The following JAK1 variants were observed in gnomAD, a reference collection of about 807,000 sequenced individuals.
JAK1 encodes tyrosine-protein kinase JAK1.
A neutral mutation model predicts 136.6 loss-of-function variants in JAK1; 16 were observed. The observed-to-expected ratio is 0.12, with a 90% CI of 0.08 to 0.18. The LOEUF is 0.18. JAK1 is among the 10% of genes least tolerant of loss of function. The pLI is 1.00. For synonymous variants in JAK1, 492 were observed against 519.5 expected, an observed-to-expected ratio of 0.95 and a Z score of 0.72; for missense variants, 859 against 1,450.1, an observed-to-expected ratio of 0.59 and a Z score of 6.62.
chr1:64,995,071 T>C (rs1646692865), intron 2 of JAK1: 1 of 151,744 alleles, frequency 6.6e-6, no homozygotes, highest in African/African-American at 2.4e-5. Flanking sequence ...TGTTGATAAA[T>C]GTTCCATAAT....
At chr1:64,892,595 C>A (rs17390852) in intron 1 of JAK1, among the ~76,000 whole-genome samples, 1 of 152,254 alleles carries the variant, frequency 6.6e-6, no homozygotes, top group South Asian at 2.1e-4. Flanking sequence ...ACAATATGTG[C>A]TTTTTAATCA....
chr1:64,968,914 A>C (rs1442414212), upstream of JAK1, among the ~76,000 whole-genome samples: 3 of 143,808 alleles, frequency 2.1e-5, no homozygotes, highest in Admixed American at 1.4e-4. Context: ...CCTGGGCGAC[A>C]GAGCGAGACT....
rs761761432 is a variant in JAK1, at chr1:65,024,629, G to T, written c.-78+19851C>A. ...ACAGAACTGAAAGTTCTTGGAGGTA[G>T]TTGTGGCTTCAAGAATGGCCTGGTC... On this transcript the variant is annotated intron_variant, in intron 2 of 25. Coordinates refer to the JAK1 transcript ENST00000671954. 1.4e-3 allele frequency among the ~76,000 whole-genome samples: 181 copies of T among 131,604 alleles called. 2 individuals are homozygous for T. The highest frequency in any genetic ancestry group is 2.5e-3 in the Non-Finnish European group (162 of 64,764). 86.3% of individuals were successfully genotyped at this position (131,604 alleles called of 152,430 possible).
At chr1:65,020,885 C>T (rs1257186611) in intron 2 of JAK1, among the ~76,000 whole-genome samples, 7 of 152,148 alleles carry the variant, frequency 4.6e-5, no homozygotes, top group African/African-American at 1.7e-4. Context: ...CTTTCCCACC[C>T]TTTGGGGCAG....
intron 1 of JAK1, among the ~76,000 whole-genome samples, chr1:64,954,408 G>C (rs1646146025): frequency 6.6e-6 from 1 of 152,168 alleles, no homozygotes; most frequent in African/African-American, 2.4e-5. Flanking sequence ...CCCCACGTGG[G>C]ATGATGTGCT....
At position 64,844,043 on chromosome 1, in the gene JAK1, C is replaced by T. The variant is rs759778621; in HGVS notation, c.2403+21G>A. ...CCTGAAAGCCCTCACTTGCCTCACG[C>T]CCCGGGAAACACCTGCTCACCTCAA... On this transcript the variant is annotated intron_variant, in intron 17 of 24. Coordinates refer to ENST00000342505, the MANE Select transcript of JAK1 (RefSeq NM_002227.4). This position sits in a 1 kb window ranked among gnomAD's most constrained non-coding sequence, Gnocchi z 5.7. 32 of 1,612,820 alleles carry T rather than the reference C, an allele frequency of 2.0e-5. No individual in the cohort carries two copies. The Admixed American group carries it at 5.3e-4, about 27-fold the overall frequency.
At chr1:65,027,001 T>A (rs575612577) in intron 2 of JAK1, among the ~76,000 whole-genome samples, 1 of 152,128 alleles carries the variant, frequency 6.6e-6, no homozygotes, top group South Asian at 2.1e-4. Context: ...TCAGATTGTA[T>A]ACTATTTGAG....
At chr1:64,943,998 G>C (rs538777818) in intron 1 of JAK1, among the ~76,000 whole-genome samples, 1 of 151,668 alleles carries the variant, frequency 6.6e-6, no homozygotes, top group African/African-American at 2.4e-5. Flanking sequence ...CGAGGTAGGC[G>C]GATCACGAGG....
intron 2 of JAK1, among the ~76,000 whole-genome samples, chr1:65,009,954 A>G (rs1412085002): frequency 4.6e-5 from 7 of 152,210 alleles, no homozygotes; most frequent in Non-Finnish European, 8.8e-5. Flanking sequence ...TAGGAGCTCT[A>G]TCTTAGTGTA....
chr1:64,944,665 T>A (rs1357781393), intron 1 of JAK1, among the ~76,000 whole-genome samples: 1 of 152,014 alleles, frequency 6.6e-6, no homozygotes, highest in Non-Finnish European at 1.5e-5. Context: ...TACTGAAAGA[T>A]GTTACAATAG....
intron 12 of JAK1, among the ~76,000 whole-genome samples, chr1:64,849,223 C>T (rs955488299): frequency 6.6e-6 from 1 of 152,100 alleles, no homozygotes; most frequent in African/African-American, 2.4e-5. Context: ...CAGGGTCTCG[C>T]TCTAACACCT....
chr1:64,862,196 C>G (rs1009849658), intron 8 of JAK1, among the ~76,000 whole-genome samples: 16 of 152,304 alleles, frequency 1.1e-4, no homozygotes, highest in Non-Finnish European at 1.9e-4. Flanking sequence ...GGCTCTAGAG[C>G]CAGCTGCTCT....
chr1:64,893,287 G>A (rs11585646), intron 1 of JAK1, among the ~76,000 whole-genome samples: 8,103 of 152,226 alleles, frequency 0.053, 330 homozygotes, highest in Admixed American at 0.14. Flanking sequence ...GAGCTTGTGC[G>A]AGAGCTTCTT....
chr1:64,931,372 A>G lies in JAK1; in HGVS notation c.-78+34961T>C, dbSNP rs555985786. Among the ~76,000 whole-genome samples the G allele has an allele frequency of 5.9e-5, 9 of 152,222 alleles. No homozygotes were observed. The East Asian group carries it at 1.7e-3, about 29-fold the overall frequency. ...ACAACTCCCATAAGAAGGGAGGGCC[A>G]TTCCCATCGAAAGTAAGGTTTCATC... On this transcript the variant is annotated intron_variant, in intron 1 of 24. Transcript: ENST00000342505.
intron 1 of JAK1, among the ~76,000 whole-genome samples, chr1:64,897,120 T>C (rs12142299): frequency 6.6e-6 from 1 of 151,356 alleles, no homozygotes; most frequent in Non-Finnish European, 1.5e-5. Flanking sequence ...AAGGGAAACA[T>C]GAAGAAATAG....
At chr1:64,855,476 G>GATAC (rs1655866833) in intron 11 of JAK1, 33 bp downstream of exon 11, 2 of 1,605,022 alleles carry the variant, frequency 1.2e-6, no homozygotes, top group South Asian at 1.1e-5. Flanking sequence ...TTACTGATGG[G>GATAC]ATACAGCCTG....
chr1:64,933,401 T>G (rs1645732539), intron 1 of JAK1, among the ~76,000 whole-genome samples: 1 of 152,238 alleles, frequency 6.6e-6, no homozygotes, highest in Admixed American at 6.5e-5. Flanking sequence ...TTGAGTAGTC[T>G]CTGCCTAAGT....
At chr1:65,037,274 T>C (rs1252850609) in intron 2 of JAK1, among the ~76,000 whole-genome samples, 2 of 152,104 alleles carry the variant, frequency 1.3e-5, no homozygotes. Flanking sequence ...TGTGTGTGTG[T>C]TTTCTATATT....
chr1:64,970,710 G>A (rs1448792565), upstream of JAK1, among the ~76,000 whole-genome samples: 1 of 150,372 alleles, frequency 6.7e-6, no homozygotes, highest in Admixed American at 6.7e-5. Context: ...GTTGCAGTGA[G>A]CCTAGAGCAC....
Sources: gnomAD v4.1 joint callset for allele counts (sites outside exome capture counted in the v4.1 genomes callset) on GRCh38, gnomAD v4.1.1 for gene constraint, Gnocchi (gnomAD v3.1) non-coding constraint, MANE v1.5 for transcripts, NCBI Gene and HGNC (gene_info 2026-07-23, HGNC 2026-07-21) for gene names.